MAGI2: variants seen among roughly 807,000 people sequenced by gnomAD.
The protein encoded by MAGI2 is membrane associated guanylate kinase, WW and PDZ domain containing 2.
Under a neutral mutation model 133.3 loss-of-function variants are expected in MAGI2, and 35 were observed. The ratio of observed to expected loss-of-function variants is 0.26; its 90% CI spans 0.20 to 0.35. The LOEUF is 0.35. Ranked by LOEUF, MAGI2 falls within the 10% of genes least tolerant of loss-of-function variation. The pLI, the probability that MAGI2 is intolerant of heterozygous loss-of-function variation, is 1.00. For synonymous variants in MAGI2, 729 were observed against 710.6 expected (o/e 1.03, Z -0.41); for missense variants, 1,636 against 1,863.4 (o/e 0.88, Z 2.25).
chr7:78,557,601 A>G (rs1235004006), intron 3 of MAGI2, among the ~76,000 whole-genome samples: 1 of 152,184 alleles, frequency 6.6e-6, no homozygotes, highest in Non-Finnish European at 1.5e-5. Context: ...ACCCACTACT[A>G]TGAAACAGGA....
At chr7:78,217,619 G>C (rs1188841253) in intron 10 of MAGI2, among the ~76,000 whole-genome samples, 2 of 152,148 alleles carry the variant, frequency 1.3e-5, no homozygotes, top group Non-Finnish European at 2.9e-5. Flanking sequence ...GGCATCCCAG[G>C]CATGCAACAG....
At chr7:78,554,555 G>T (rs1379080477) in intron 3 of MAGI2, 2 of 152,172 alleles carry the variant, frequency 1.3e-5, no homozygotes, top group Non-Finnish European at 2.9e-5. Context: ...GAGACAGGAA[G>T]GTCACTCTTA....
At chr7:79,415,430 T>C (rs1846431312) in intron 1 of MAGI2, 1 of 152,190 alleles carries the variant, frequency 6.6e-6, no homozygotes, top group Admixed American at 6.6e-5. Context: ...CAGGTATGCG[T>C]TTTCTCATTG....
rs148946898 is a variant in MAGI2, at chr7:78,265,213, G to C, written c.1409-8632C>G. Among the ~76,000 whole-genome samples, 823 of 152,064 alleles carry C rather than the reference G, an allele frequency of 5.4e-3. 5 individuals are homozygous for C. The highest frequency in any genetic ancestry group is 0.019 in the African/African-American group (773 of 41,472). On this transcript the variant is annotated intron_variant, in intron 9 of 21. Transcript: ENST00000354212. ...AGTGGTAAGATATATTTAAATACTT[G>C]CATTTTACTTTGTTGAAAAGGAAAC...
intron 2 of MAGI2, among the ~76,000 whole-genome samples, chr7:78,721,750 CCTAG>C (rs760506772): frequency 6.6e-6 from 1 of 151,876 alleles, no homozygotes; most frequent in Non-Finnish European, 1.5e-5. Context: ...GACAAGCTTT[CCTAG>C]CTAGCATCCA....
chr7:79,181,721 C>A (rs1826639976), intron 1 of MAGI2, among the ~76,000 whole-genome samples: 1 of 151,974 alleles, frequency 6.6e-6, no homozygotes, highest in South Asian at 2.1e-4. Flanking sequence ...GTTGCATTGT[C>A]AGGCTGCAAA....
chr7:78,943,986 G>A (rs942602748), intron 2 of MAGI2, among the ~76,000 whole-genome samples: 3 of 152,052 alleles, frequency 2.0e-5, no homozygotes, highest in African/African-American at 7.2e-5. Flanking sequence ...AAGTTCCCAA[G>A]AGAAAGTTTC....
intron 9 of MAGI2, among the ~76,000 whole-genome samples, chr7:78,333,755 C>T (rs142687157): frequency 3.3e-5 from 5 of 152,298 alleles, no homozygotes; most frequent in East Asian, 1.9e-4. Flanking sequence ...TGAGTGAAGC[C>T]GCCCTGCGCA....
chr7:78,617,855 G>C (rs1807273847), intron 3 of MAGI2: 1 of 151,920 alleles, frequency 6.6e-6, no homozygotes, highest in Non-Finnish European at 1.5e-5. Context: ...TGAGGGCATT[G>C]GTTTTTCCAG....
chr7:78,181,272 T>C (rs1411880213), intron 13 of MAGI2, among the ~76,000 whole-genome samples: 1 of 152,192 alleles, frequency 6.6e-6, no homozygotes, highest in Non-Finnish European at 1.5e-5. Flanking sequence ...TCCTTTCTCT[T>C]GTTTCAAGAA....
At chr7:79,350,731 A>C (rs1003950901) in intron 1 of MAGI2, among the ~76,000 whole-genome samples, 1 of 152,162 alleles carries the variant, frequency 6.6e-6, no homozygotes, top group Admixed American at 6.5e-5. Flanking sequence ...TTAAACAGTC[A>C]TTCTTCTTAT....
chr7:78,619,222 T>C (rs2150933905), intron 3 of MAGI2, among the ~76,000 whole-genome samples: 1 of 151,818 alleles, frequency 6.6e-6, no homozygotes, highest in East Asian at 1.9e-4. Flanking sequence ...AGGAGATGTG[T>C]ACAAGAGTTA....
chr7:79,449,881 T>TAC (rs879788965), intron 1 of MAGI2, among the ~76,000 whole-genome samples: 14,492 of 128,904 alleles, frequency 0.11, 1,238 homozygotes, highest in Admixed American at 0.14. Context: ...TATATACATA[T>TAC]ATATATATAT....
rs117214695 is a variant in MAGI2 at position 78,396,140 on chromosome 7, C to T, written c.1046-26927G>A. Among the ~76,000 whole-genome samples, 11 of 152,172 alleles carry T rather than the reference C, an allele frequency of 7.2e-5. No homozygotes were observed. In the East Asian group the frequency reaches 2.1e-3, roughly 29 times the overall value. ...GGGTGCACCTGTAGTTTTAAAGCAA[C>T]CCTTTTAAGATAAATTTTCAGATCA... On this transcript the variant is annotated intron_variant, in intron 6 of 21. Transcript: ENST00000354212.
intron 1 of MAGI2, among the ~76,000 whole-genome samples, chr7:79,315,324 A>AGT (rs1563107001): frequency 7.1e-5 from 6 of 84,098 alleles, no homozygotes; most frequent in African/African-American, 2.1e-4. Context: ...ATGCCCAGTT[A>AGT]ATTTTTTTTT....
chr7:78,026,369 A>T (rs148552470), intron 21 of MAGI2, among the ~76,000 whole-genome samples: 3 of 152,368 alleles, frequency 2.0e-5, no homozygotes, highest in African/African-American at 7.2e-5. Context: ...AATAGGAATA[A>T]ACTGCTTGTT....
intron 14 of MAGI2, among the ~76,000 whole-genome samples, chr7:78,169,746 C>G (rs1310884067): frequency 6.6e-6 from 1 of 152,208 alleles, no homozygotes; most frequent in East Asian, 1.9e-4. Flanking sequence ...TGATTGCTGT[C>G]ACAGGACAGG....
At chr7:79,208,832 T>C (rs571414884) in intron 1 of MAGI2, among the ~76,000 whole-genome samples, 11 of 152,126 alleles carry the variant, frequency 7.2e-5, no homozygotes, top group African/African-American at 2.7e-4. Context: ...ATATACATAA[T>C]GGAGTATAAT....
At chr7:78,548,523 C>T (rs376313017) in intron 3 of MAGI2, among the ~76,000 whole-genome samples, 12 of 152,122 alleles carry the variant, frequency 7.9e-5, no homozygotes, top group South Asian at 6.2e-4. Flanking sequence ...GGTGAAACCC[C>T]GTCTCTATTA....
Sources: allele counts gnomAD v4.1 joint callset (sites outside exome capture counted in the v4.1 genomes callset), GRCh38; gene constraint gnomAD v4.1.1; transcripts MANE v1.5; gene names NCBI Gene and HGNC (gene_info 2026-07-23, HGNC 2026-07-21).